The following NCOA2 variants were observed in gnomAD, a reference collection of about 807,000 sequenced individuals.
NCOA2 encodes the protein nuclear receptor coactivator 2.
NCOA2 carries 21 observed loss-of-function variants against 145.1 expected under a neutral mutation model. The ratio of observed to expected loss-of-function variants is 0.14; its 90% confidence interval spans 0.10 to 0.21. NCOA2 has a LOEUF of 0.21. Ranked by LOEUF, NCOA2 falls within the 10% of genes least tolerant of loss-of-function variation. NCOA2 has a pLI of 1.00. For synonymous variants in NCOA2, 619 were observed against 637.5 expected, an observed-to-expected ratio of 0.97 and a Z score of 0.44; for missense variants, 1,472 against 1,837.6, an observed-to-expected ratio of 0.80 and a Z score of 3.64.
At chr8:70,389,943 G>T (rs1813037192) in intron 1 of NCOA2, among the ~76,000 whole-genome samples, 1 of 152,160 alleles carries the variant, frequency 6.6e-6, no homozygotes, top group Non-Finnish European at 1.5e-5. Flanking sequence ...TGGGATTACA[G>T]CCATGAGCCA....
At chr8:70,419,472 T>A in the NCOA2 span, among the ~76,000 whole-genome samples, 1 of 152,210 alleles carries the variant, frequency 6.6e-6, no homozygotes, top group Non-Finnish European at 1.5e-5. Flanking sequence ...TAATCTTAAC[T>A]ACATTTTAAC....
chr8:70,419,117 A>G, the NCOA2 span, among the ~76,000 whole-genome samples: 3 of 151,542 alleles, frequency 2.0e-5, no homozygotes, highest in African/African-American at 7.3e-5. Flanking sequence ...AAAAAAAAAA[A>G]CTAGATATCC....
chr8:70,257,570 A>AGATGGGGCC (rs1823735350), intron 2 of NCOA2, among the ~76,000 whole-genome samples: 1 of 152,226 alleles, frequency 6.6e-6, no homozygotes, highest in African/African-American at 2.4e-5. Context: ...TGGACATCTG[A>AGATGGGGCC]GATGGGGCCG....
chr8:70,222,675 C>T (rs1196109610), intron 2 of NCOA2, among the ~76,000 whole-genome samples: 2 of 152,182 alleles, frequency 1.3e-5, no homozygotes, highest in African/African-American at 4.8e-5. Context: ...TGGGCAGTAG[C>T]AGCTCTTTAA....
chr8:70,422,031 G>T, the NCOA2 span, among the ~76,000 whole-genome samples: 1 of 151,850 alleles, frequency 6.6e-6, no homozygotes, highest in Non-Finnish European at 1.5e-5. Flanking sequence ...GGAGGTGGAG[G>T]TTGCATTGAG....
intron 1 of NCOA2, among the ~76,000 whole-genome samples, chr8:70,353,555 A>C (rs1225388120): frequency 1.3e-5 from 2 of 151,010 alleles, no homozygotes; most frequent in Non-Finnish European, 2.9e-5. Flanking sequence ...AATGAAAAAA[A>C]CTAAAGGTTT....
At chr8:70,381,010 T>C (rs997891803) in intron 1 of NCOA2, among the ~76,000 whole-genome samples, 2 of 150,730 alleles carry the variant, frequency 1.3e-5, no homozygotes, top group African/African-American at 4.9e-5. Flanking sequence ...GAGGTTGAGT[T>C]GCAGTGAGTG....
intron 20 of NCOA2, among the ~76,000 whole-genome samples, chr8:70,124,360 G>GT (rs562148942): frequency 0.023 from 3,230 of 143,200 alleles, 47 homozygotes; most frequent in Middle Eastern, 0.074. Flanking sequence ...CTTTCTTTCT[G>GT]TTTTTTTTTT....
At chr8:70,286,875 A>G (rs1489164529) in intron 2 of NCOA2, among the ~76,000 whole-genome samples, 1 of 152,212 alleles carries the variant, frequency 6.6e-6, no homozygotes, top group Non-Finnish European at 1.5e-5. Flanking sequence ...TTTATAAAAT[A>G]AAAAGGCCAT....
chr8:70,255,958 C>A (rs2134888663), intron 2 of NCOA2, among the ~76,000 whole-genome samples: 1 of 152,342 alleles, frequency 6.6e-6, no homozygotes, highest in African/African-American at 2.4e-5. Flanking sequence ...GAAGCTGCTA[C>A]CTTTCCTTCC....
chr8:70,125,412 C>T (rs1015846653), intron 19 of NCOA2, among the ~76,000 whole-genome samples: 3 of 152,098 alleles, frequency 2.0e-5, no homozygotes, highest in Non-Finnish European at 2.9e-5. Context: ...CAGGCATGCA[C>T]GACCATGCCC....
chr8:70,140,668 T>C (rs1810299962), intron 14 of NCOA2, among the ~76,000 whole-genome samples: 1 of 149,040 alleles, frequency 6.7e-6, no homozygotes, highest in Non-Finnish European at 1.5e-5. Context: ...GGTGTCATCT[T>C]GGCTCAATGC....
At chr8:70,319,530 C>T (rs1284458754) in intron 1 of NCOA2, among the ~76,000 whole-genome samples, 3 of 125,584 alleles carry the variant, frequency 2.4e-5, no homozygotes, top group Non-Finnish European at 4.9e-5. Context: ...CAACAGAGAC[C>T]CTGTCTCAAA....
intron 1 of NCOA2, among the ~76,000 whole-genome samples, chr8:70,368,965 G>C (rs956688489): frequency 4.6e-5 from 7 of 151,820 alleles, no homozygotes; most frequent in Non-Finnish European, 1.0e-4. Context: ...AATATTAAGA[G>C]TTATTAAATG....
At chr8:70,454,456 G>A in the NCOA2 span, among the ~76,000 whole-genome samples, 1 of 152,110 alleles carries the variant, frequency 6.6e-6, no homozygotes, top group Non-Finnish European at 1.5e-5. Context: ...ACCTTTTTCG[G>A]AGGAAACTGT....
the NCOA2 span, among the ~76,000 whole-genome samples, chr8:70,453,311 C>G: frequency 4.6e-5 from 7 of 152,238 alleles, no homozygotes; most frequent in Non-Finnish European, 1.0e-4. Flanking sequence ...GGCAGGTAGA[C>G]AGCAAGGAGA....
the NCOA2 span, among the ~76,000 whole-genome samples, chr8:70,428,708 A>G: frequency 6.6e-6 from 1 of 152,228 alleles, no homozygotes; most frequent in Admixed American, 6.5e-5. Context: ...TTTAATTTCC[A>G]GCTGTTCTAC....
intron 1 of NCOA2, among the ~76,000 whole-genome samples, chr8:70,369,797 C>G (rs1360597529): frequency 2.0e-5 from 3 of 152,094 alleles, no homozygotes; most frequent in Non-Finnish European, 4.4e-5. Flanking sequence ...CTGTCCCAGG[C>G]ACATTATACC....
chr8:70,414,466 T>TA, the NCOA2 span, among the ~76,000 whole-genome samples: 2 of 152,142 alleles, frequency 1.3e-5, no homozygotes, highest in African/African-American at 2.4e-5. Context: ...ATCCCTAAGA[T>TA]AAAATCCCAA....
Sources: allele counts gnomAD v4.1 joint callset (sites outside exome capture counted in the v4.1 genomes callset), GRCh38; gene constraint gnomAD v4.1.1; transcripts MANE v1.5; gene names NCBI Gene and HGNC (gene_info 2026-07-23, HGNC 2026-07-21).